The following EPB41L4A variants were observed in gnomAD, a reference collection of about 807,000 sequenced individuals.
EPB41L4A encodes the protein band 4.1-like protein 4A.
In EPB41L4A, 100 loss-of-function variants were observed where a neutral mutation model predicts 108.6. The observed-to-expected ratio is 0.92, with a 90% CI of 0.78 to 1.09. The LOEUF is 1.09. EPB41L4A is among the 50% of genes least tolerant of loss of function. EPB41L4A has a pLI of 0.00. For missense variants in EPB41L4A, 1,030 were observed against 842.7 expected (o/e 1.22, Z -2.75); for synonymous variants, 319 against 289.0 (o/e 1.10, Z -1.05).
intron 9 of EPB41L4A, among the ~76,000 whole-genome samples, chr5:112,243,162 C>A (rs548591389): frequency 5.4e-5 from 8 of 147,050 alleles, no homozygotes; most frequent in African/African-American, 2.2e-4. Flanking sequence ...TGCAGTGAGC[C>A]GAGATCGTGC....
At chr5:112,416,428 T>C (rs965116012) in intron 1 of EPB41L4A, among the ~76,000 whole-genome samples, 1 of 152,128 alleles carries the variant, frequency 6.6e-6, no homozygotes, top group Non-Finnish European at 1.5e-5. Context: ...TAATGTAAAA[T>C]TAGCCATCTT....
intron 1 of EPB41L4A, among the ~76,000 whole-genome samples, chr5:112,361,396 C>T (rs200696801): frequency 6.6e-6 from 1 of 152,028 alleles, no homozygotes; most frequent in South Asian, 2.1e-4. Flanking sequence ...GGCGGCAGGG[C>T]CCTCTGCCTA....
chr5:112,370,217 T>G (rs1190291016), intron 1 of EPB41L4A, among the ~76,000 whole-genome samples: 2 of 151,590 alleles, frequency 1.3e-5, no homozygotes, highest in Non-Finnish European at 2.9e-5. Flanking sequence ...TTTTACATTT[T>G]GTAAAGACAG....
chr5:112,195,651 G>GT lies in EPB41L4A; in HGVS notation c.1424+9dup, dbSNP rs1761930855. 2.5e-6 allele frequency: 4 copies of GT among 1,610,270 alleles called. No individual in the cohort carries two copies. Among genetic ancestry groups the GT allele is most frequent in the Non-Finnish European group, 3.4e-6 (4 of 1,177,156 alleles). Reference sequence around the variant, plus strand: ...TCCCTCTGACTGTCCTTCCATTTTTGTTTTTTTACCTCCTCCTTTGCTTAA... The same window carrying GT: ...TCCCTCTGACTGTCCTTCCATTTTTGTTTTTTTTACCTCCTCCTTTGCTTAA... On this transcript the variant is annotated intron_variant, in intron 16 of 22. Coordinates refer to ENST00000261486, the MANE Select transcript of EPB41L4A (RefSeq NM_022140.5).
intron 22 of EPB41L4A, 66 bp downstream of exon 22, chr5:112,168,673 A>C (rs1760392148): frequency 6.0e-6 from 8 of 1,336,008 alleles, no homozygotes; most frequent in Non-Finnish European, 7.5e-6. Context: ...GAACTTTCCA[A>C]AGCACAAAAT....
At chr5:112,147,126 G>A (rs1404398102) in intron 12 of EPB41L4A, among the ~76,000 whole-genome samples, 1 of 151,864 alleles carries the variant, frequency 6.6e-6, no homozygotes, top group Non-Finnish European at 1.5e-5. Context: ...CCACCTGGTG[G>A]TTTTCTACAT....
chr5:112,172,759 G>C (rs754315353), intron 18 of EPB41L4A, among the ~76,000 whole-genome samples: 1 of 152,206 alleles, frequency 6.6e-6, no homozygotes, highest in African/African-American at 2.4e-5. Flanking sequence ...TCAACCAAGA[G>C]TCTGAAGTAT....
chr5:112,211,645 T>C (rs897954550), intron 12 of EPB41L4A, among the ~76,000 whole-genome samples: 5 of 150,444 alleles, frequency 3.3e-5, no homozygotes, highest in African/African-American at 1.2e-4. Flanking sequence ...AGAAGAACAC[T>C]TCAGAGCAAG....
intron 7 of EPB41L4A, among the ~76,000 whole-genome samples, 199 bp from the exon 8 acceptor site, chr5:112,260,178 G>T (rs564650017): frequency 6.6e-6 from 1 of 152,170 alleles, no homozygotes; most frequent in Non-Finnish European, 1.5e-5. Flanking sequence ...GAAACTTTCT[G>T]TTGGCGTTCT....
chr5:112,181,227 G>A (rs571449994), intron 18 of EPB41L4A, among the ~76,000 whole-genome samples: 35 of 152,080 alleles, frequency 2.3e-4, no homozygotes, highest in East Asian at 1.5e-3. Context: ...CGAGGCGGGC[G>A]GATCACGAGG....
intron 1 of EPB41L4A, among the ~76,000 whole-genome samples, chr5:112,323,396 A>C (rs997079258): frequency 3.3e-5 from 5 of 152,228 alleles, no homozygotes; most frequent in Admixed American, 2.6e-4. Flanking sequence ...TACTATCTAT[A>C]CTAGCATGAC....
Position 112,184,016 on chromosome 5 carries a change from G to T in EPB41L4A, c.1622C>A (p.Ser541Ter). 6.2e-7 allele frequency: 1 copy of T among 1,613,852 alleles called. No individual in the cohort carries two copies. Among genetic ancestry groups the T allele is most frequent in the Non-Finnish European group, 8.5e-7 (1 of 1,179,876 alleles). The change falls in exon 18 of 23, where the codon TCG (serine) becomes TAG (stop). Residue 541 changes from serine to a stop codon, truncating the protein, a stop_gained and splice_region_variant. Coordinates refer to ENST00000261486, the MANE Select transcript of EPB41L4A (RefSeq NM_022140.5). LOFTEE classifies it high-confidence loss of function. Reference sequence around the variant, plus strand: ...CAAGGTATAAAAAGAGTCCACATACGAACGAGATCTGTGTCTGGATCGCCT... The same window carrying T: ...CAAGGTATAAAAAGAGTCCACATACTAACGAGATCTGTGTCTGGATCGCCT... ...NNRRSRHRSRSRSPDIQAKEE... is the reference protein window; with the variant it reads ...NNRRSRHRSR
intron 1 of EPB41L4A, among the ~76,000 whole-genome samples, chr5:112,407,578 TA>T (rs1409469125): frequency 3.9e-5 from 6 of 152,190 alleles, no homozygotes; most frequent in African/African-American, 1.4e-4. Flanking sequence ...CATGTATATT[TA>T]AATGACATTA....
intron 1 of EPB41L4A, among the ~76,000 whole-genome samples, chr5:112,316,243 A>G (rs1401344601): frequency 6.6e-6 from 1 of 152,258 alleles, no homozygotes; most frequent in Non-Finnish European, 1.5e-5. Context: ...ACAGAATGAT[A>G]ACTATTACAT....
Position 112,259,264 on chromosome 5 carries a change from C to G in EPB41L4A, c.760G>C (p.Glu254Gln). Residue 254 changes from glutamate (E) to glutamine (Q), a missense_variant, in exon 9 of 23, where the codon GAG becomes CAG. Physicochemically the swap from Glu to Gln is conservative, Grantham distance 29 (BLOSUM62 2). Transcript: ENST00000261486. ...AGTACTCTGAGTTCAAATTGAGTCT[C>G]CTTGAAGTGAACCTTTGTAATCCGA... ...WPRITKVHFK[E>Q]TQFELRVLGK... The G allele has an allele frequency of 2.5e-6, 4 of 1,613,952 alleles. No individual in the cohort carries two copies. Among genetic ancestry groups the G allele is most frequent in the Non-Finnish European group, 3.4e-6 (4 of 1,179,864 alleles).
At chr5:112,264,610 G>C (rs993830689) in intron 6 of EPB41L4A, 4 of 220,068 alleles carry the variant, frequency 1.8e-5, no homozygotes, top group African/African-American at 9.2e-5. Context: ...ACCTATGTAT[G>C]ACAAATTTTC....
intron 1 of EPB41L4A, among the ~76,000 whole-genome samples, chr5:112,395,311 C>A (rs997337485): frequency 5.9e-5 from 9 of 152,146 alleles, no homozygotes; most frequent in African/African-American, 1.2e-4. Context: ...AACAGGCAAC[C>A]TACAGAATGG....
intron 1 of EPB41L4A, among the ~76,000 whole-genome samples, chr5:112,396,475 A>G (rs1761358312): frequency 6.6e-6 from 1 of 152,228 alleles, no homozygotes; most frequent in Non-Finnish European, 1.5e-5. Context: ...GTAATGGTTT[A>G]AAACAACAAA....
chr5:112,237,574 T>C (rs1468290109), intron 11 of EPB41L4A, among the ~76,000 whole-genome samples: 1 of 152,164 alleles, frequency 6.6e-6, no homozygotes, highest in Non-Finnish European at 1.5e-5. Flanking sequence ...TAAGCTGTTC[T>C]TTATACCCTA....
Sources: gnomAD v4.1 joint callset for allele counts (sites outside exome capture counted in the v4.1 genomes callset) on GRCh38, gnomAD v4.1.1 for gene constraint, MANE v1.5 for transcripts, NCBI Gene and HGNC (gene_info 2026-07-23, HGNC 2026-07-21) for gene names.